CDH12: variants seen among roughly 807,000 people sequenced by gnomAD.
The protein encoded by CDH12 is cadherin 12.
A neutral mutation model predicts 74.1 loss-of-function variants in CDH12; 41 were observed. That is an observed-to-expected ratio of 0.55 (90% CI 0.43 to 0.72). The LOEUF (loss-of-function observed/expected upper bound fraction) is 0.72, where lower values mean the gene tolerates loss of function less well. Among genes scored for constraint, CDH12 ranks in the 30% least tolerant of loss-of-function variants. The probability of loss-of-function intolerance (pLI) is 0.00; values close to 1 mark genes in which losing one functional copy is unlikely to be tolerated. For synonymous variants in CDH12, 399 were observed against 355.0 expected, an observed-to-expected ratio of 1.12 and a Z score of -1.39; for missense variants, 945 against 977.2, an observed-to-expected ratio of 0.97 and a Z score of 0.44.
intron 4 of CDH12, among the ~76,000 whole-genome samples, chr5:22,140,008 C>T (rs1580311085): frequency 6.6e-6 from 1 of 152,132 alleles, no homozygotes; most frequent in African/African-American, 2.4e-5. Flanking sequence ...GGCAGCTGCA[C>T]CAAACGGCCT....
intron 6 of CDH12, among the ~76,000 whole-genome samples, chr5:21,957,107 C>T (rs1186622200): frequency 1.3e-5 from 2 of 152,134 alleles, no homozygotes; most frequent in Non-Finnish European, 2.9e-5. Context: ...CTGTTCCATT[C>T]TTTGTGTCCA....
intron 6 of CDH12, among the ~76,000 whole-genome samples, chr5:21,945,427 C>CAAAAAAAAAAAAAAA (rs1167475672): frequency 6.4e-5 from 1 of 15,518 alleles, no homozygotes; most frequent in African/African-American, 2.3e-4. Flanking sequence ...CTGTTTCAGA[C>CAAAAAAAAAAAAAAA]AAAAAAAAAA....
chr5:22,672,673 TG>T (rs2126916379), intron 1 of CDH12, among the ~76,000 whole-genome samples: 1 of 152,302 alleles, frequency 6.6e-6, no homozygotes, highest in East Asian at 1.9e-4. Context: ...TGTGGTATTT[TG>T]TTAAAGCATC....
At chr5:22,511,282 T>C (rs1736595999) in intron 1 of CDH12, among the ~76,000 whole-genome samples, 1 of 152,170 alleles carries the variant, frequency 6.6e-6, no homozygotes, top group Admixed American at 6.5e-5. Context: ...AAATCATATA[T>C]TTAAAGCTAA....
intron 4 of CDH12, among the ~76,000 whole-genome samples, chr5:22,090,405 A>G (rs1743337662): frequency 6.6e-6 from 1 of 151,750 alleles, no homozygotes; most frequent in South Asian, 2.1e-4. Flanking sequence ...ACTTCCCACC[A>G]AGAAAATTTC....
At chr5:22,051,519 G>A (rs1176177146) in intron 5 of CDH12, among the ~76,000 whole-genome samples, 4 of 152,086 alleles carry the variant, frequency 2.6e-5, no homozygotes, top group Non-Finnish European at 4.4e-5. Context: ...TTTCAAAGAG[G>A]CAAAGATGTT....
At chr5:22,442,434 G>A (rs1744662251) in intron 2 of CDH12, among the ~76,000 whole-genome samples, 1 of 152,144 alleles carries the variant, frequency 6.6e-6, no homozygotes, top group African/African-American at 2.4e-5. Context: ...GTACCCAGGA[G>A]TTCAAGAATA....
At chr5:21,944,673 C>T (rs1755488417) in intron 6 of CDH12, among the ~76,000 whole-genome samples, 1 of 152,204 alleles carries the variant, frequency 6.6e-6, no homozygotes, top group African/African-American at 2.4e-5. Context: ...ACAGCTTCTT[C>T]CAACTCCTAC....
At chr5:22,098,199 T>A (rs149195647) in intron 4 of CDH12, among the ~76,000 whole-genome samples, 1 of 152,106 alleles carries the variant, frequency 6.6e-6, no homozygotes, top group African/African-American at 2.4e-5. Flanking sequence ...GCTGTACTGC[T>A]GCAAGTCTTC....
chr5:21,833,678 G>A (rs976270258), intron 8 of CDH12, among the ~76,000 whole-genome samples: 1 of 123,824 alleles, frequency 8.1e-6, no homozygotes, highest in Non-Finnish European at 1.6e-5. Flanking sequence ...AGCACTTGCT[G>A]GCTCACCACA....
At chr5:22,525,592 A>G (rs1283999139) in intron 1 of CDH12, among the ~76,000 whole-genome samples, 1 of 152,004 alleles carries the variant, frequency 6.6e-6, no homozygotes, top group African/African-American at 2.4e-5. Context: ...ATGACGAGAA[A>G]ATTTTACAAC....
At chr5:22,677,180 C>G (rs1039549292) in intron 1 of CDH12, among the ~76,000 whole-genome samples, 1 of 152,000 alleles carries the variant, frequency 6.6e-6, no homozygotes, top group Non-Finnish European at 1.5e-5. Context: ...GACCCTGACC[C>G]CTAATCATAA....
At chr5:22,520,874 G>A (rs1209733333) in intron 1 of CDH12, among the ~76,000 whole-genome samples, 2 of 152,108 alleles carry the variant, frequency 1.3e-5, no homozygotes, top group African/African-American at 4.8e-5. Context: ...TTACACGTAA[G>A]TATATTGCAC....
chr5:22,241,516 T>A (rs1752751603), intron 3 of CDH12, among the ~76,000 whole-genome samples: 1 of 152,052 alleles, frequency 6.6e-6, no homozygotes, highest in Non-Finnish European at 1.5e-5. Context: ...AGTCTATAGT[T>A]TGTAATTATT....
At chr5:21,908,596 T>G (rs986385078) in intron 6 of CDH12, among the ~76,000 whole-genome samples, 2 of 152,214 alleles carry the variant, frequency 1.3e-5, no homozygotes, top group Admixed American at 6.5e-5. Flanking sequence ...CAAGCCTGTT[T>G]GGGTCATATC....
intron 1 of CDH12, among the ~76,000 whole-genome samples, chr5:22,773,869 C>T (rs1746946394): frequency 6.6e-6 from 1 of 151,968 alleles, no homozygotes; most frequent in Non-Finnish European, 1.5e-5. Flanking sequence ...ATACAAACAG[C>T]CAACAAATAT....
intron 3 of CDH12, among the ~76,000 whole-genome samples, chr5:22,298,606 C>G (rs921213591): frequency 1.2e-4 from 18 of 152,042 alleles, no homozygotes; most frequent in Admixed American, 1.0e-3. Flanking sequence ...ATAGATAAAA[C>G]TAATATCTTC....
At chr5:22,197,502 AG>A (rs1444215695) in intron 4 of CDH12, among the ~76,000 whole-genome samples, 1 of 152,078 alleles carries the variant, frequency 6.6e-6, no homozygotes, top group Non-Finnish European at 1.5e-5. Context: ...AATATTGGCA[AG>A]GTAGATTTTG....
intron 1 of CDH12, among the ~76,000 whole-genome samples, chr5:22,680,663 G>T (rs552110092): frequency 1.3e-5 from 2 of 152,134 alleles, no homozygotes; most frequent in East Asian, 3.9e-4. Context: ...TTATATGGAT[G>T]ACTATGTTGA....
Sources: allele counts gnomAD v4.1 joint callset (sites outside exome capture counted in the v4.1 genomes callset), GRCh38; gene constraint gnomAD v4.1.1; transcripts MANE v1.5; gene names NCBI Gene and HGNC (gene_info 2026-07-23, HGNC 2026-07-21).